The following SH3BP4 variants were observed in gnomAD, a reference collection of about 807,000 sequenced individuals.
SH3BP4 encodes the protein SH3 domain-binding protein 4.
In SH3BP4, 33 loss-of-function variants were observed where a neutral mutation model predicts 65.5. That is an observed-to-expected ratio of 0.50 (90% CI 0.38 to 0.67). The LOEUF (loss-of-function observed/expected upper bound fraction) is 0.67. SH3BP4 is among the 30% of genes least tolerant of loss of function. The probability of loss-of-function intolerance (pLI) is 0.00; values close to 1 mark genes in which losing one functional copy is unlikely to be tolerated. For missense variants in SH3BP4, 1,134 were observed against 1,261.4 expected (o/e 0.90, Z 1.53); for synonymous variants, 552 against 545.5 (o/e 1.01, Z -0.17).
intron 1 of SH3BP4, among the ~76,000 whole-genome samples, chr2:234,963,792 A>C (rs764818040): frequency 5.3e-5 from 8 of 152,054 alleles, no homozygotes; most frequent in Non-Finnish European, 1.0e-4. Context: ...GGGTGTCCAG[A>C]GTGATTTTGT....
rs755065584 is a variant in SH3BP4, at chr2:235,041,285, T to C, written c.516T>C (p.Asn172=). 1.2e-6 allele frequency: 2 copies of C among 1,614,206 alleles called. No homozygotes were observed. Among genetic ancestry groups the C allele is most frequent in the South Asian group, 2.2e-5 (2 of 91,086 alleles). ...WNGVQTNPFL[N]GNVPVMPSLD... ...GGGTCCAGACCAATCCATTTCTGAA[T>C]GGGAACGTGCCCGTCATGCCCAGCC... The change falls in exon 4 of 6, where the codon AAT becomes AAC. Residue 172 remains asparagine, a synonymous_variant. Coordinates refer to ENST00000392011, the MANE Select transcript of SH3BP4 (RefSeq NM_014521.3). The surrounding 1 kb of genome is among the most constrained non-coding windows in gnomAD (Gnocchi z 6.0).
At position 235,045,959 on chromosome 2, in the gene SH3BP4, G is replaced by A. The variant is rs1286654265; in HGVS notation, c.2478+2712G>A. On this transcript the variant is annotated intron_variant, in intron 4 of 5. Coordinates refer to ENST00000392011, the MANE Select transcript of SH3BP4 (RefSeq NM_014521.3). The surrounding 1 kb of genome is among the most constrained non-coding windows in gnomAD (Gnocchi z 4.3). ...AGGAAAAAGGAGTCAAATGAGACCT[G>A]GGTTGTTCCTCTCTCCACTGCCTTT... Among the ~76,000 whole-genome samples, 1 of 152,184 alleles carries A rather than the reference G, an allele frequency of 6.6e-6. No homozygotes were observed. Among genetic ancestry groups the A allele is most frequent in the African/African-American group, 2.4e-5 (1 of 41,442 alleles).
intron 2 of SH3BP4, among the ~76,000 whole-genome samples, chr2:235,004,580 C>T (rs1440563897): frequency 3.9e-5 from 6 of 152,172 alleles, no homozygotes; most frequent in Admixed American, 3.9e-4. Context: ...CTATGGATTC[C>T]TATGGATTTG....
intron 4 of SH3BP4, among the ~76,000 whole-genome samples, chr2:235,051,826 TC>T (rs968477190): frequency 1.1e-4 from 16 of 152,282 alleles, no homozygotes; most frequent in African/African-American, 3.9e-4. Context: ...TCGCCCTCCA[TC>T]CGTCTCGGCC....
Position 234,969,685 on chromosome 2 carries a change from C to G in SH3BP4, c.-207+17515C>G, listed in dbSNP as rs540356581. On this transcript the variant is annotated intron_variant, in intron 1 of 5. Coordinates refer to ENST00000392011, the MANE Select transcript of SH3BP4 (RefSeq NM_014521.3). The stretch of plus-strand genomic sequence containing the variant: ...GCAGGCTGGACTTGGAGGGTTTTAT[C>G]CCGAGCCTGCTCCTGCCCTGCCTCC... 4.3e-4 allele frequency among the ~76,000 whole-genome samples: 66 copies of G among 152,312 alleles called. 1 individual carries two copies. The highest frequency in any genetic ancestry group is 1.6e-3 in the African/African-American group (65 of 41,572).
chr2:234,962,670 T>C (rs1692742153), intron 1 of SH3BP4, among the ~76,000 whole-genome samples: 1 of 152,156 alleles, frequency 6.6e-6, no homozygotes, highest in African/African-American at 2.4e-5. Context: ...AAAAACAGGC[T>C]GAGACAGTGA....
chr2:234,958,980 G>A (rs1043469306), intron 1 of SH3BP4, among the ~76,000 whole-genome samples: 1 of 152,088 alleles, frequency 6.6e-6, no homozygotes, highest in Admixed American at 6.6e-5. Flanking sequence ...GTACCCGTGC[G>A]GTGGGGAGTG....
chr2:234,984,517 T>C (rs1287954509), intron 1 of SH3BP4, among the ~76,000 whole-genome samples: 1 of 152,138 alleles, frequency 6.6e-6, no homozygotes, highest in Non-Finnish European at 1.5e-5. Context: ...TCCTTTTCAG[T>C]GTAAAAATGT....
chr2:234,987,930 G>C (rs1426145859), intron 1 of SH3BP4, among the ~76,000 whole-genome samples: 1 of 152,204 alleles, frequency 6.6e-6, no homozygotes, highest in Non-Finnish European at 1.5e-5. Flanking sequence ...CCACATGCAT[G>C]ATGACATCAT....
intron 1 of SH3BP4, among the ~76,000 whole-genome samples, chr2:234,986,092 T>TCAATA (rs1559232896): frequency 1.1e-4 from 17 of 149,890 alleles, no homozygotes; most frequent in African/African-American, 4.3e-4. Flanking sequence ...GAACCAGCCC[T>TCAATA]TGACACAAAC....
intron 2 of SH3BP4, among the ~76,000 whole-genome samples, chr2:235,010,031 G>C (rs1037514001): frequency 1.2e-4 from 18 of 151,966 alleles, no homozygotes; most frequent in Non-Finnish European, 2.2e-4. Flanking sequence ...TCTTTTTTCA[G>C]GGTTACCTCC....
intron 1 of SH3BP4, among the ~76,000 whole-genome samples, chr2:234,962,699 C>G (rs889821927): frequency 4.0e-5 from 6 of 151,740 alleles, no homozygotes; most frequent in Non-Finnish European, 8.8e-5. Flanking sequence ...GCCTTTGTAC[C>G]TGGCACATAG....
rs1001753566 is a variant in SH3BP4, at chr2:235,033,206, T to G, written c.-132-1665T>G. Among the ~76,000 whole-genome samples the G allele has an allele frequency of 6.6e-6, 1 of 152,176 alleles. No individual in the cohort carries two copies. Among genetic ancestry groups the G allele is most frequent in the Admixed American group, 6.5e-5 (1 of 15,288 alleles). ...TGGCCCAGCAAGGGAGGCTCATCTC[T>G]CACGGTTCCAGAGGCCGGAAGTCAA... On this transcript the variant is annotated intron_variant, in intron 2 of 5. Coordinates refer to ENST00000392011, the MANE Select transcript of SH3BP4 (RefSeq NM_014521.3). The surrounding 1 kb of genome is among the most constrained non-coding windows in gnomAD (Gnocchi z 5.7).
At chr2:235,047,854 C>T (rs1004894834) in intron 4 of SH3BP4, among the ~76,000 whole-genome samples, 7 of 152,034 alleles carry the variant, frequency 4.6e-5, no homozygotes, top group East Asian at 1.9e-4. Flanking sequence ...ATAGGCGTGT[C>T]GGGCTCTGTA....
chr2:235,000,872 G>A (rs954689067), intron 2 of SH3BP4, among the ~76,000 whole-genome samples: 1 of 152,232 alleles, frequency 6.6e-6, no homozygotes, highest in Admixed American at 6.5e-5. Flanking sequence ...TGCACTGGTG[G>A]TGTCTCCCCA....
intron 4 of SH3BP4, among the ~76,000 whole-genome samples, chr2:235,051,828 C>T (rs746726154): frequency 8.5e-5 from 13 of 152,150 alleles, no homozygotes; most frequent in Non-Finnish European, 1.5e-4. Flanking sequence ...GCCCTCCATC[C>T]GTCTCGGCCT....
intron 1 of SH3BP4, among the ~76,000 whole-genome samples, chr2:234,963,994 A>G (rs532535828): frequency 1.1e-4 from 16 of 152,264 alleles, no homozygotes; most frequent in African/African-American, 3.1e-4. Flanking sequence ...CTGGCAAGAG[A>G]GGAAAACTAA....
intron 2 of SH3BP4, among the ~76,000 whole-genome samples, chr2:235,011,419 T>C (rs1194894870): frequency 6.6e-6 from 1 of 152,248 alleles, no homozygotes; most frequent in African/African-American, 2.4e-5. Context: ...CCTAATTCCG[T>C]ATGACCTCAT....
chr2:235,055,507 C>T lies in SH3BP4; in HGVS notation c.*1691C>T, dbSNP rs1696197003. 6.6e-6 allele frequency: 1 copy of T among 152,616 alleles called. No individual in the cohort carries two copies. The highest frequency in any genetic ancestry group is 6.5e-5 in the Admixed American group (1 of 15,270). The allele number at this position is 152,616 out of a possible 1,614,324, so 9.5% of individuals were successfully genotyped here. ...CCAGAGACCATCTATCACCTTTTCC[C>T]CAAAGAAGAAACAAAACCAGTTGCA... On this transcript the variant is annotated 3_prime_UTR_variant, in exon 6 of 6. Coordinates refer to ENST00000392011, the MANE Select transcript of SH3BP4 (RefSeq NM_014521.3).
Sources: gnomAD v4.1 joint callset for allele counts (sites outside exome capture counted in the v4.1 genomes callset) on GRCh38, gnomAD v4.1.1 for gene constraint, Gnocchi (gnomAD v3.1) non-coding constraint, MANE v1.5 for transcripts, NCBI Gene and HGNC (gene_info 2026-07-23, HGNC 2026-07-21) for gene names.